Variants in ZNF382 observed in about 807,000 individuals in gnomAD.
ZNF382 encodes zinc finger protein 382.
Under a neutral mutation model 38.8 loss-of-function variants are expected in ZNF382, and 20 were observed. The observed-to-expected ratio is 0.51, with a 90% CI of 0.36 to 0.75. ZNF382 has a LOEUF of 0.75. ZNF382 is among the 30% of genes least tolerant of loss of function. The pLI, the probability that ZNF382 is intolerant of heterozygous loss-of-function variation, is 0.00. For synonymous variants in ZNF382, 202 were observed against 223.1 expected (o/e 0.91, Z 0.84); for missense variants, 546 against 654.1 (o/e 0.83, Z 1.80).
chr19:36,610,017 G>A lies in ZNF382; in HGVS notation c.103G>A (p.Val35Met), dbSNP rs2037064638. 1.2e-6 allele frequency: 2 copies of A among 1,613,672 alleles called. No homozygotes were observed. Among genetic ancestry groups the A allele is most frequent in the South Asian group, 2.2e-5 (2 of 91,032 alleles). Reference protein sequence around the residue: ...DPAQKALYRDVMLENYCHFVS... With the variant: ...DPAQKALYRDMMLENYCHFVS... ...TGCTCAGAAGGCGCTTTACAGGGAT[G>A]TGATGTTGGAAAACTATTGCCACTT... Residue 35 changes from valine to methionine, a missense_variant, in exon 3 of 5, where the codon GTG becomes ATG. By Grantham distance (21) the Val-to-Met change is conservative. Coordinates refer to ENST00000292928, the MANE Select transcript of ZNF382 (RefSeq NM_032825.5).
At chr19:36,619,726 A>G (rs1012433994) in intron 4 of ZNF382, among the ~76,000 whole-genome samples, 2 of 141,544 alleles carry the variant, frequency 1.4e-5, no homozygotes, top group Non-Finnish European at 3.2e-5. Context: ...AGAAATTAAA[A>G]GAGTTTTTTT....
At chr19:36,619,225 G>A (rs1381149389) in intron 4 of ZNF382, among the ~76,000 whole-genome samples, 1 of 152,154 alleles carries the variant, frequency 6.6e-6, no homozygotes, top group Non-Finnish European at 1.5e-5. Context: ...CATGAGAAGT[G>A]AGGAATGGTG....
At position 36,626,669 on chromosome 19, in the gene ZNF382, C is replaced by T. The variant is rs771387613; in HGVS notation, c.772C>T (p.His258Tyr). 3 of 1,614,010 alleles carry T rather than the reference C, an allele frequency of 1.9e-6. No homozygotes were observed. Among genetic ancestry groups the T allele is most frequent in the Non-Finnish European group, 1.7e-6 (2 of 1,180,024 alleles). Residue 258 changes from histidine to tyrosine, a missense_variant, in exon 5 of 5, where the codon CAT (histidine) becomes TAT (tyrosine). Physicochemically the swap from His to Tyr is moderately conservative, Grantham distance 83. Transcript: ENST00000292928. ...AFIEKSSLSVHPSNLMEKKPS... is the reference protein window; with the variant it reads ...AFIEKSSLSVYPSNLMEKKPS... ...CATAGAAAAGTCAAGCCTCAGTGTC[C>T]ATCCAAGTAATCTTATGGAAAAGAA...
intron 2 of ZNF382, 174 bp downstream of exon 2, chr19:36,607,796 G>C: frequency 1.5e-6 from 1 of 656,544 alleles, no homozygotes; most frequent in East Asian, 2.9e-5. Flanking sequence ...ATATTTAAGG[G>C]GTACCCTCAG....
intron 4 of ZNF382, among the ~76,000 whole-genome samples, chr19:36,623,071 A>G (rs2037182025): frequency 6.6e-6 from 1 of 152,136 alleles, no homozygotes; most frequent in Non-Finnish European, 1.5e-5. Context: ...GGTTATAATC[A>G]TTCCCCAAAA....
chr19:36,611,296 A>T (rs561105403), intron 4 of ZNF382, among the ~76,000 whole-genome samples: 35 of 152,204 alleles, frequency 2.3e-4, no homozygotes, highest in East Asian at 5.8e-4. Context: ...TCTCAAAAAA[A>T]AAATAAATAA....
Position 36,628,311 on chromosome 19 carries a change from A to G in ZNF382, c.*761A>G, listed in dbSNP as rs1482553675. 6.6e-6 allele frequency: 1 copy of G among 152,592 alleles called. No individual in the cohort carries two copies. The highest frequency in any genetic ancestry group is 2.1e-4 in the South Asian group (1 of 4,828). The allele number at this position is 152,592 out of a possible 1,614,324, so 9.5% of individuals were successfully genotyped here. ...GTACATACATGTATTTCTCTTGTGT[A>G]TATACTTAGGAGTGGAATCGCTGGG... On this transcript the variant is annotated 3_prime_UTR_variant, in exon 5 of 5. Coordinates refer to ENST00000292928, the MANE Select transcript of ZNF382 (RefSeq NM_032825.5).
At position 36,612,681 on chromosome 19, in the gene ZNF382, C is replaced by T. The variant is rs117616315; in HGVS notation, c.232+1939C>T. 4.8e-3 allele frequency among the ~76,000 whole-genome samples: 725 copies of T among 152,256 alleles called. 6 individuals are homozygous for T. The highest frequency in any genetic ancestry group is 0.024 in the Middle Eastern group (7 of 294). ...TTTGACCATTCTGGTTGTATAACTTCGCAGTTTTAATTTAGATTTATCTTA... is the reference window on the plus strand; with the variant it reads ...TTTGACCATTCTGGTTGTATAACTTTGCAGTTTTAATTTAGATTTATCTTA... On this transcript the variant is annotated intron_variant, in intron 4 of 4. Transcript: ENST00000292928.
chr19:36,615,013 C>T (rs535146861), intron 4 of ZNF382, among the ~76,000 whole-genome samples: 79 of 121,634 alleles, frequency 6.5e-4, no homozygotes, highest in Non-Finnish European at 1.1e-3. Context: ...GACAGTGTCT[C>T]TCTCTGTCGC....
At chr19:36,621,324 G>GTTTTTTTTTTTTTTTT (rs10557413) in intron 4 of ZNF382, among the ~76,000 whole-genome samples, 3 of 104,468 alleles carry the variant, frequency 2.9e-5, no homozygotes, top group Non-Finnish European at 5.6e-5. Flanking sequence ...TTTTTCCCTA[G>GTTTTTTTTTTTTTTTT]TTTTTTTTTT....
rs1263587357 is a variant in ZNF382, at chr19:36,614,920, T to TTTCCTTCCC, written c.232+4182_232+4183insTTCCCTTCC. Among the ~76,000 whole-genome samples the TTTCCTTCCC allele has an allele frequency of 3.1e-3, 177 of 57,458 alleles. 3 individuals are homozygous for TTTCCTTCCC. The highest frequency in any genetic ancestry group is 4.5e-3 in the Non-Finnish European group (119 of 26,608). 37.7% of individuals were successfully genotyped at this position (57,458 alleles called of 152,430 possible). ...TTTCCTTTCCTTTCCTTTCCTTCCC[T>TTTCCTTCCC]TTCCCTTTCCCTTTCCCTTTCCCTT... On this transcript the variant is annotated intron_variant, in intron 4 of 4. Coordinates refer to ENST00000292928, the MANE Select transcript of ZNF382 (RefSeq NM_032825.5).
chr19:36,607,077 C>CA (rs536882974), intron 1 of ZNF382, among the ~76,000 whole-genome samples: 15,200 of 88,630 alleles, frequency 0.17, 1,034 homozygotes, highest in Middle Eastern at 0.26. Context: ...AACTCTGTCT[C>CA]AAAAAAAAAA....
chr19:36,620,761 C>A (rs975208859), intron 4 of ZNF382, among the ~76,000 whole-genome samples: 2 of 146,986 alleles, frequency 1.4e-5, no homozygotes, highest in Admixed American at 1.4e-4. Context: ...TTCCCATAAT[C>A]TTTTTTTTTT....
intron 3 of ZNF382, 150 bp from the exon 4 acceptor site, chr19:36,610,500 T>C: frequency 1.9e-6 from 1 of 518,506 alleles, no homozygotes; most frequent in Non-Finnish European, 3.4e-6. Context: ...GAAAATATGA[T>C]TATATCATCA....
In ZNF382 at chr19:36,610,729, T is replaced by C; in HGVS notation, c.219T>C (p.Ser73=). 1 of 1,612,882 alleles carries C rather than the reference T, an allele frequency of 6.2e-7. No individual in the cohort carries two copies. The highest frequency in any genetic ancestry group is 1.3e-5 in the African/African-American group (1 of 75,014). Residue 73 remains serine (S), a synonymous_variant, in exon 4 of 5, where the codon AGT becomes AGC. Transcript: ENST00000292928. ...TATGGACACAGAGAATTTTTCCAAG[T>C]TACAGCTACCTAGGTGAGTCTATAA... ...EELWTQRIFP[S]YSYLEEDGKT...
rs937471267 is a variant in ZNF382 at position 36,630,412 on chromosome 19, T to G, written c.*2862T>G. 4 of 151,008 alleles carry G rather than the reference T, an allele frequency of 2.6e-5. No homozygotes were observed. The highest frequency in any genetic ancestry group is 5.9e-5 in the Non-Finnish European group (4 of 67,860). 9.4% of individuals were successfully genotyped at this position (151,008 alleles called of 1,614,324 possible). ...TTCACTTTTGTTTCCCAGGCTGGAGTGCAATGGCGCAATTTCGGCTCATTG... is the reference window on the plus strand; with the variant it reads ...TTCACTTTTGTTTCCCAGGCTGGAGGGCAATGGCGCAATTTCGGCTCATTG... On this transcript the variant is annotated 3_prime_UTR_variant, in exon 5 of 5. Coordinates refer to ENST00000292928, the MANE Select transcript of ZNF382 (RefSeq NM_032825.5).
rs2037212290 is a variant in ZNF382, at chr19:36,626,296, A to G, written c.399A>G (p.Leu133=). ...AGAACCGTATTTCAAAAACAATACT[A>G]TGTGAATATAAACCTGATGGAAAAG... ...LGKNRISKTI[L]CEYKPDGKVL... is the part of the protein sequence containing the mutation. Residue 133 remains leucine, a synonymous_variant, in exon 5 of 5, where the codon CTA becomes CTG. Transcript: ENST00000292928. 2.5e-6 allele frequency: 4 copies of G among 1,598,624 alleles called. No homozygotes were observed. The highest frequency in any genetic ancestry group is 3.4e-4 in the Middle Eastern group (2 of 5,952).
rs1435670895 is a variant in ZNF382, at chr19:36,630,150, A to T, written c.*2600A>T. ...CATTTTCTGGCAGTAAATCATATTC[A>T]TCATATACTTCCCAATTTTGCACAC... is the stretch of plus-strand genomic sequence containing the variant. On this transcript the variant is annotated 3_prime_UTR_variant, in exon 5 of 5. Coordinates refer to ENST00000292928, the MANE Select transcript of ZNF382 (RefSeq NM_032825.5). The T allele has an allele frequency of 6.6e-6, 1 of 152,082 alleles. No individual in the cohort carries two copies. Among genetic ancestry groups the T allele is most frequent in the Non-Finnish European group, 1.5e-5 (1 of 68,018 alleles). 9.4% of individuals were successfully genotyped at this position (152,082 alleles called of 1,614,324 possible).
Position 36,633,591 on chromosome 19 carries a change from T to G in ZNF382, c.*6041T>G, listed in dbSNP as rs1414344162. 1.3e-5 allele frequency: 2 copies of G among 151,976 alleles called. No homozygotes were observed. The highest frequency in any genetic ancestry group is 2.9e-5 in the Non-Finnish European group (2 of 67,998). 9.4% of individuals were successfully genotyped at this position (151,976 alleles called of 1,614,324 possible). On this transcript the variant is annotated 3_prime_UTR_variant, in exon 5 of 5. Transcript: ENST00000292928. ...CAATCCCACTTATAAGTACTTATCC[T>G]AGAGAAATGAAAAATTATGTGCACA... is the stretch of plus-strand genomic sequence containing the variant.
Sources: allele counts gnomAD v4.1 joint callset (sites outside exome capture counted in the v4.1 genomes callset), GRCh38; gene constraint gnomAD v4.1.1; transcripts MANE v1.5; gene names NCBI Gene and HGNC (gene_info 2026-07-23, HGNC 2026-07-21).